GMDS: variants seen among roughly 807,000 people sequenced by gnomAD.
GMDS encodes the protein GDP-mannose 4,6 dehydratase.
Under a neutral mutation model 49.9 loss-of-function variants are expected in GMDS, and 20 were observed. The ratio of observed to expected loss-of-function variants is 0.40; its 90% CI spans 0.28 to 0.58. The LOEUF (loss-of-function observed/expected upper bound fraction) is 0.58. GMDS is among the 20% of genes least tolerant of loss of function. The pLI is 0.42. For synonymous variants in GMDS, 177 were observed against 178.6 expected, an observed-to-expected ratio of 0.99 and a Z score of 0.07; for missense variants, 362 against 481.4, an observed-to-expected ratio of 0.75 and a Z score of 2.32.
chr6:1,826,960 G>C (rs1468435297), intron 7 of GMDS, among the ~76,000 whole-genome samples: 3 of 151,994 alleles, frequency 2.0e-5, no homozygotes, highest in Non-Finnish European at 4.4e-5. Flanking sequence ...CTAGCTACTT[G>C]GGAGGCTGAG....
chr6:1,714,130 G>A (rs538495257), intron 9 of GMDS, among the ~76,000 whole-genome samples: 35 of 152,052 alleles, frequency 2.3e-4, no homozygotes, highest in Non-Finnish European at 4.6e-4. Context: ...CCATTCTCCC[G>A]CCTCAGCCTC....
intron 9 of GMDS, 151 bp from the exon 10 acceptor site, chr6:1,624,691 T>C: frequency 1.6e-6 from 1 of 624,080 alleles, no homozygotes; most frequent in South Asian, 1.9e-5. Flanking sequence ...GCGCGTTCAG[T>C]TGCGGCTCTC....
At chr6:2,041,821 G>T (rs981807279) in intron 4 of GMDS, among the ~76,000 whole-genome samples, 6 of 152,200 alleles carry the variant, frequency 3.9e-5, no homozygotes, top group African/African-American at 1.4e-4. Context: ...ATGGTAGAAA[G>T]TCTATTACAA....
intron 4 of GMDS, among the ~76,000 whole-genome samples, chr6:1,962,780 C>T (rs915547302): frequency 5.3e-5 from 8 of 151,258 alleles, no homozygotes; most frequent in Non-Finnish European, 1.0e-4. Flanking sequence ...CATATACATA[C>T]ATATATATAT....
intron 4 of GMDS, among the ~76,000 whole-genome samples, chr6:2,059,175 CAAAAAAAAAAAAAAA>C (rs55832305): frequency 6.7e-5 from 2 of 30,004 alleles, no homozygotes; most frequent in South Asian, 2.4e-3. Flanking sequence ...TCCTCTGTCT[CAAAAAAAAAAAAAAA>C]AAAAAAAAAA....
At chr6:2,139,780 T>C (rs1186494218) in intron 1 of GMDS, among the ~76,000 whole-genome samples, 3 of 152,158 alleles carry the variant, frequency 2.0e-5, no homozygotes, top group Admixed American at 1.3e-4. Context: ...CAGGGTTTCA[T>C]GAGAGATGAG....
At chr6:1,786,471 C>T (rs1256463902) in intron 7 of GMDS, among the ~76,000 whole-genome samples, 1 of 152,258 alleles carries the variant, frequency 6.6e-6, no homozygotes, top group Non-Finnish European at 1.5e-5. Context: ...CTCGCACAGC[C>T]TGAGCAAGCA....
chr6:1,939,845 C>T lies in GMDS; in HGVS notation c.644-9615G>A, dbSNP rs527851733. Among the ~76,000 whole-genome samples, 6 of 152,246 alleles carry T rather than the reference C, an allele frequency of 3.9e-5. No homozygotes were observed. The East Asian group carries it at 1.2e-3, about 29-fold the overall frequency. On this transcript the variant is annotated intron_variant, in intron 6 of 10. Coordinates refer to ENST00000380815, the MANE Select transcript of GMDS (RefSeq NM_001500.4). ...TCACAATCTTTTCCACAATGTATTA[C>T]TTCAATAGAGATTTATTTTTAAAAA...
chr6:1,989,650 G>A (rs894425846), intron 4 of GMDS, among the ~76,000 whole-genome samples: 2 of 152,088 alleles, frequency 1.3e-5, no homozygotes, highest in Non-Finnish European at 2.9e-5. Context: ...TCCTCCTAGG[G>A]TCCCCTGCCA....
chr6:2,156,986 ATT>A (rs1002260756), intron 1 of GMDS, among the ~76,000 whole-genome samples: 2 of 152,226 alleles, frequency 1.3e-5, no homozygotes, highest in Non-Finnish European at 2.9e-5. Context: ...ACTAGTTCAG[ATT>A]TTTTTTCTAC....
intron 7 of GMDS, among the ~76,000 whole-genome samples, chr6:1,764,266 G>A (rs1054796989): frequency 2.6e-5 from 4 of 152,236 alleles, no homozygotes; most frequent in East Asian, 3.9e-4. Flanking sequence ...CACTCAAAAC[G>A]GAGGCCCGTG....
intron 7 of GMDS, among the ~76,000 whole-genome samples, chr6:1,749,394 C>G (rs1190607633): frequency 6.6e-6 from 1 of 151,954 alleles, no homozygotes. Context: ...TTAAGACCAG[C>G]CTGGCCAACA....
At chr6:2,048,735 A>G (rs1770181008) in intron 4 of GMDS, among the ~76,000 whole-genome samples, 1 of 151,944 alleles carries the variant, frequency 6.6e-6, no homozygotes. Flanking sequence ...GATCTTGCAT[A>G]TTTTTTACTG....
intron 9 of GMDS, among the ~76,000 whole-genome samples, chr6:1,631,158 C>T (rs1157946557): frequency 6.6e-6 from 1 of 152,202 alleles, no homozygotes; most frequent in Non-Finnish European, 1.5e-5. Flanking sequence ...AGGAAGGCCG[C>T]TGTGCTCTTG....
chr6:2,213,446 T>C (rs566728469), intron 1 of GMDS, among the ~76,000 whole-genome samples: 3 of 152,280 alleles, frequency 2.0e-5, no homozygotes, highest in East Asian at 1.9e-4. Context: ...AAAGCAGTTG[T>C]AGGAATTAAA....
In GMDS at chr6:1,640,187, C is replaced by G. The variant is rs890164797; in HGVS notation, c.988-15647G>C. ...GGCAGCACTGTTGCCCAAGGCTCCC[C>G]CACATCACTCTTCAGTTCTAGCAAT... On this transcript the variant is annotated intron_variant, in intron 9 of 10. Coordinates refer to ENST00000380815, the MANE Select transcript of GMDS (RefSeq NM_001500.4). This position sits in a 1 kb window ranked among gnomAD's most constrained non-coding sequence, Gnocchi z 4.0. Among the ~76,000 whole-genome samples the G allele has an allele frequency of 5.3e-5, 8 of 152,162 alleles. No homozygotes were observed. The highest frequency in any genetic ancestry group is 3.9e-4 in the Admixed American group (6 of 15,280).
At chr6:1,707,284 G>C (rs536294248) in intron 9 of GMDS, among the ~76,000 whole-genome samples, 2 of 152,190 alleles carry the variant, frequency 1.3e-5, no homozygotes, top group Non-Finnish European at 1.5e-5. Flanking sequence ...ATAAGGTTTT[G>C]AGGTCAAAAT....
At chr6:1,641,244 C>T (rs1763321675) in intron 9 of GMDS, among the ~76,000 whole-genome samples, 1 of 152,162 alleles carries the variant, frequency 6.6e-6, no homozygotes, top group African/African-American at 2.4e-5. Flanking sequence ...TTCCTGTGCA[C>T]CCTGGAGGTC....
intron 1 of GMDS, among the ~76,000 whole-genome samples, chr6:2,228,594 C>A (rs73420770): frequency 6.6e-6 from 1 of 152,156 alleles, no homozygotes; most frequent in Non-Finnish European, 1.5e-5. Flanking sequence ...TGTGCTTTAA[C>A]AAATCCTTCC....
Sources: gnomAD v4.1 joint callset for allele counts (sites outside exome capture counted in the v4.1 genomes callset) on GRCh38, gnomAD v4.1.1 for gene constraint, Gnocchi (gnomAD v3.1) non-coding constraint, MANE v1.5 for transcripts, NCBI Gene and HGNC (gene_info 2026-07-23, HGNC 2026-07-21) for gene names.